Variants in CDH8 observed in about 807,000 individuals in gnomAD.
The protein encoded by CDH8 is cadherin 8.
A neutral mutation model predicts 68.1 loss-of-function variants in CDH8; 17 were observed. That is an observed-to-expected ratio of 0.25 (90% confidence interval 0.17 to 0.37). The LOEUF (loss-of-function observed/expected upper bound fraction) is 0.37. CDH8 is among the 10% of genes least tolerant of loss of function. The pLI, the probability that CDH8 is intolerant of heterozygous loss-of-function variation, is 1.00. For synonymous variants in CDH8, 372 were observed against 365.1 expected, an observed-to-expected ratio of 1.02 and a Z score of -0.21; for missense variants, 763 against 999.3, an observed-to-expected ratio of 0.76 and a Z score of 3.19.
chr16:61,859,035 T>G (rs908287951), intron 3 of CDH8, among the ~76,000 whole-genome samples: 1 of 152,082 alleles, frequency 6.6e-6, no homozygotes, highest in African/African-American at 2.4e-5. Context: ...TTTGGAAGTG[T>G]TTTGAATTAC....
intron 2 of CDH8, among the ~76,000 whole-genome samples, chr16:61,936,572 C>T (rs1964630187): frequency 6.6e-6 from 1 of 152,106 alleles, no homozygotes; most frequent in Admixed American, 6.6e-5. Flanking sequence ...AACATGCCAC[C>T]CGCCTCCCAA....
chr16:61,700,811 T>C (rs900415314), intron 10 of CDH8, among the ~76,000 whole-genome samples: 1 of 152,156 alleles, frequency 6.6e-6, no homozygotes, highest in Admixed American at 6.5e-5. Context: ...AAATAAGCTG[T>C]AGAGTTCTAT....
In CDH8 at chr16:61,678,535, C is replaced by CT. The variant is rs975286870; in HGVS notation, c.1655-22815dup. ...CCTAAAGCACATGTTAATACCTTCT[C>CT]TTTTTTTTATACTTTAAGTTCTGGG... On this transcript the variant is annotated intron_variant, in intron 10 of 11. Coordinates refer to ENST00000577390, the MANE Select transcript of CDH8 (RefSeq NM_001796.5). Among the ~76,000 whole-genome samples the CT allele has an allele frequency of 3.0e-3, 437 of 146,658 alleles. 5 individuals carry two copies. Among genetic ancestry groups the CT allele is most frequent in the Middle Eastern group, 0.021 (6 of 290 alleles).
chr16:61,697,382 G>A (rs1441751849), intron 10 of CDH8, among the ~76,000 whole-genome samples: 9 of 152,064 alleles, frequency 5.9e-5, no homozygotes, highest in Admixed American at 5.2e-4. Context: ...GTTCACCACC[G>A]AGGCCAAACA....
At chr16:62,031,292 G>T (rs2150622515) in intron 1 of CDH8, among the ~76,000 whole-genome samples, 1 of 152,098 alleles carries the variant, frequency 6.6e-6, no homozygotes, top group East Asian at 1.9e-4. Flanking sequence ...TTGAAAAAAT[G>T]AGAAAAGCTG....
chr16:61,813,617 G>C (rs908837679), intron 7 of CDH8, among the ~76,000 whole-genome samples: 13 of 152,138 alleles, frequency 8.5e-5, no homozygotes, highest in Non-Finnish European at 1.8e-4. Context: ...TGTCCTAGCC[G>C]GGAGGATTCA....
intron 8 of CDH8, among the ~76,000 whole-genome samples, chr16:61,735,822 C>T (rs935515735): frequency 2.0e-5 from 3 of 152,038 alleles, no homozygotes; most frequent in African/African-American, 7.2e-5. Context: ...CACCTGTAAT[C>T]CCAGCACTTT....
At chr16:61,662,967 A>T (rs905019409) in intron 10 of CDH8, among the ~76,000 whole-genome samples, 2 of 151,888 alleles carry the variant, frequency 1.3e-5, no homozygotes, top group African/African-American at 4.8e-5. Flanking sequence ...AAAAAGAAAA[A>T]CTCAATTTTC....
intron 3 of CDH8, among the ~76,000 whole-genome samples, chr16:61,874,975 G>A (rs1963435289): frequency 1.3e-5 from 2 of 152,118 alleles, no homozygotes; most frequent in South Asian, 2.1e-4. Flanking sequence ...AGGCAAATAG[G>A]CATGAAACTT....
Position 61,783,740 on chromosome 16 carries a change from C to T in CDH8, c.1414+5606G>A, listed in dbSNP as rs1388774547. ...CCCATCAGACTAACAGCGGATCTCT[C>T]GGCAGAAACCCTACAAGCCAGAAGA... On this transcript the variant is annotated intron_variant, in intron 8 of 11. Transcript: ENST00000577390. Among the ~76,000 whole-genome samples, 1,462 of 151,786 alleles carry T rather than the reference C, an allele frequency of 9.6e-3. 36 individuals carry two copies. Among genetic ancestry groups the T allele is most frequent in the African/African-American group, 0.034 (1,392 of 41,298 alleles).
chr16:61,836,038 C>T lies in CDH8; in HGVS notation c.668-10859G>A, dbSNP rs185039628. Among the ~76,000 whole-genome samples, 407 of 152,034 alleles carry T rather than the reference C, an allele frequency of 2.7e-3. 3 individuals are homozygous for T. The highest frequency in any genetic ancestry group is 9.3e-3 in the African/African-American group (387 of 41,520). On this transcript the variant is annotated intron_variant, in intron 4 of 11. Coordinates refer to ENST00000577390, the MANE Select transcript of CDH8 (RefSeq NM_001796.5). ...TTATAAAATAGCACCCGACATAATT[C>T]ACAGAGTATAATAGGTACTCAAAAC...
At chr16:61,687,594 C>T (rs1447858365) in intron 10 of CDH8, among the ~76,000 whole-genome samples, 1 of 151,964 alleles carries the variant, frequency 6.6e-6, no homozygotes, top group Non-Finnish European at 1.5e-5. Context: ...GCCTTCAGCC[C>T]TCACACAAAC....
chr16:61,740,884 AT>A (rs1292975079), intron 8 of CDH8, among the ~76,000 whole-genome samples: 1 of 152,058 alleles, frequency 6.6e-6, no homozygotes, highest in Non-Finnish European at 1.5e-5. Context: ...AAATATATTA[AT>A]TTCTGTATAT....
In CDH8 at chr16:61,747,849, T is replaced by G. The variant is rs17822798; in HGVS notation, c.1415-20634A>C. ...TAAGTTCAATTGTCAACCTCTGAAT[T>G]TCTGCTGTTGCAGACAATCCAGTTG... is the stretch of plus-strand genomic sequence containing the variant. On this transcript the variant is annotated intron_variant, in intron 8 of 11. Coordinates refer to ENST00000577390, the MANE Select transcript of CDH8 (RefSeq NM_001796.5). Among the ~76,000 whole-genome samples the G allele has an allele frequency of 6.1e-3, 921 of 152,222 alleles. 1 individual carries two copies. Among genetic ancestry groups the G allele is most frequent in the Non-Finnish European group, 9.9e-3 (674 of 67,972 alleles).
At chr16:61,907,685 A>C (rs1168488480) in intron 2 of CDH8, among the ~76,000 whole-genome samples, 1 of 151,688 alleles carries the variant, frequency 6.6e-6, no homozygotes, top group Non-Finnish European at 1.5e-5. Flanking sequence ...TTGCAAAAAA[A>C]AAAAAAAGTT....
intron 2 of CDH8, among the ~76,000 whole-genome samples, chr16:62,006,476 G>A (rs568807176): frequency 6.6e-6 from 1 of 152,280 alleles, no homozygotes; most frequent in African/African-American, 2.4e-5. Flanking sequence ...TCTGTTAAAA[G>A]GGGGTTGATA....
rs1963313437 is a variant in CDH8 at position 61,651,110 on chromosome 16, T to C, written c.*2498A>G. 1.3e-5 allele frequency: 2 copies of C among 152,160 alleles called. No homozygotes were observed. Among genetic ancestry groups the C allele is most frequent in the African/African-American group, 2.4e-5 (1 of 41,446 alleles). 9.4% of individuals were successfully genotyped at this position (152,160 alleles called of 1,614,324 possible). On this transcript the variant is annotated 3_prime_UTR_variant, in exon 12 of 12. Transcript: ENST00000577390. ...TCTGTTAGACATATTTGTGTGTCTA[T>C]AATCTTTGGGCACTTCAAAGTACAC...
intron 10 of CDH8, among the ~76,000 whole-genome samples, chr16:61,712,646 A>G (rs1042960229): frequency 1.3e-5 from 2 of 151,608 alleles, no homozygotes; most frequent in East Asian, 1.9e-4. Context: ...ACAGTTTCCA[A>G]TCAAGGGTGG....
chr16:61,826,707 G>A (rs1962344137), intron 4 of CDH8, among the ~76,000 whole-genome samples: 1 of 151,370 alleles, frequency 6.6e-6, no homozygotes, highest in African/African-American at 2.4e-5. Flanking sequence ...AGGAGTTCAA[G>A]TCCCTAAATC....
Sources: gnomAD v4.1 joint callset for allele counts (sites outside exome capture counted in the v4.1 genomes callset) on GRCh38, gnomAD v4.1.1 for gene constraint, MANE v1.5 for transcripts, NCBI Gene and HGNC (gene_info 2026-07-23, HGNC 2026-07-21) for gene names.